The following FAT3 variants were observed in gnomAD, a reference collection of about 807,000 sequenced individuals.
The protein encoded by FAT3 is protocadherin Fat 3.
A neutral mutation model predicts 310.2 loss-of-function variants in FAT3; 95 were observed. That is an observed-to-expected ratio of 0.31 (90% CI 0.26 to 0.36). The LOEUF (loss-of-function observed/expected upper bound fraction) is 0.36. FAT3 is among the 10% of genes least tolerant of loss of function. The pLI is 1.00. For missense variants in FAT3, 5,408 were observed against 5,715.6 expected (o/e 0.95, Z 1.74); for synonymous variants, 2,314 against 2,192.9 (o/e 1.06, Z -1.54).
chr11:92,714,131 GT>G (rs1180386187), intron 4 of FAT3, among the ~76,000 whole-genome samples: 5 of 152,042 alleles, frequency 3.3e-5, no homozygotes. Context: ...TTTATAGACT[GT>G]TTGTATTATC....
intron 2 of FAT3, among the ~76,000 whole-genome samples, chr11:92,358,857 C>G (rs569730794): frequency 2.6e-4 from 40 of 152,284 alleles, no homozygotes; most frequent in African/African-American, 9.6e-4. Flanking sequence ...CTGTTTAGCC[C>G]TGTAGCCATT....
rs183384083 is a variant in FAT3 at position 92,420,615 on chromosome 11, T to A, written c.3292+65211T>A. On this transcript the variant is annotated intron_variant, in intron 2 of 27. Transcript: ENST00000525166. ...GGGGGGTTAAGAGTAGAGAGAACTA[T>A]CCATCATAACTAAATCTTTACTAAT... Among the ~76,000 whole-genome samples the A allele has an allele frequency of 9.9e-5, 15 of 151,710 alleles. 1 individual carries two copies. The East Asian group carries it at 2.9e-3, about 30-fold the overall frequency.
intron 3 of FAT3, among the ~76,000 whole-genome samples, chr11:92,593,074 G>A (rs1376848569): frequency 1.3e-5 from 2 of 152,036 alleles, no homozygotes; most frequent in Non-Finnish European, 2.9e-5. Context: ...TCTTTTTGTA[G>A]CTAGCTTATT....
Position 92,654,995 on chromosome 11 carries a change from G to C in FAT3, c.3608-42389G>C, listed in dbSNP as rs1942528255. ...AAGTTCCTACCTCAAGGCATTTGTA[G>C]CCCCATGGGCCTATAATGACCTCTT... On this transcript the variant is annotated intron_variant, in intron 3 of 27. Transcript: ENST00000525166. Among the ~76,000 whole-genome samples, 5 of 152,018 alleles carry C rather than the reference G, an allele frequency of 3.3e-5. No homozygotes were observed. In the South Asian group the frequency reaches 1.0e-3, roughly 32 times the overall value.
chr11:92,441,231 T>C (rs543844924), intron 2 of FAT3, among the ~76,000 whole-genome samples: 121 of 152,358 alleles, frequency 7.9e-4, no homozygotes, highest in African/African-American at 2.8e-3. Context: ...CTCCACCTCA[T>C]CTTAGACTCT....
chr11:92,463,544 T>A (rs542060965), intron 2 of FAT3, among the ~76,000 whole-genome samples: 84 of 152,328 alleles, frequency 5.5e-4, no homozygotes, highest in African/African-American at 2.0e-3. Context: ...TAAAGCACTA[T>A]TTAGCATAGT....
intron 1 of FAT3, among the ~76,000 whole-genome samples, chr11:92,291,288 A>T (rs1280138980): frequency 6.6e-6 from 1 of 152,076 alleles, no homozygotes; most frequent in Non-Finnish European, 1.5e-5. Context: ...GATGCTTTAA[A>T]CATGTTAATG....
At chr11:92,789,100 C>T (rs2136153016) in intron 7 of FAT3, among the ~76,000 whole-genome samples, 1 of 152,208 alleles carries the variant, frequency 6.6e-6, no homozygotes, top group East Asian at 1.9e-4. Flanking sequence ...TATTAAGGAA[C>T]TACTCTTTTC....
chr11:92,822,237 A>G (rs1947985995), intron 13 of FAT3, among the ~76,000 whole-genome samples: 1 of 152,044 alleles, frequency 6.6e-6, no homozygotes. Flanking sequence ...ATTCTGACCC[A>G]TATCAGTTGA....
chr11:92,248,824 G>A (rs1482949027), intron 1 of FAT3, among the ~76,000 whole-genome samples: 1 of 151,944 alleles, frequency 6.6e-6, no homozygotes, highest in African/African-American at 2.4e-5. Context: ...ATTCCCAAGG[G>A]GCAGAATAAA....
chr11:92,520,448 G>T lies in FAT3; in HGVS notation c.3293-4186G>T, dbSNP rs149981096. Among the ~76,000 whole-genome samples, 253 of 152,090 alleles carry T rather than the reference G, an allele frequency of 1.7e-3. 1 individual carries two copies. Among genetic ancestry groups the T allele is most frequent in the African/African-American group, 5.9e-3 (243 of 41,500 alleles). On this transcript the variant is annotated intron_variant, in intron 2 of 27. Coordinates refer to ENST00000525166, the MANE Select transcript of FAT3 (RefSeq NM_001367949.2). ...TCATGAAAATCAAAACTTACCAATT[G>T]TTTGTTTTAGACATGGACAGGTTAT...
At chr11:92,591,876 C>T (rs910026218) in intron 3 of FAT3, among the ~76,000 whole-genome samples, 8 of 151,976 alleles carry the variant, frequency 5.3e-5, no homozygotes, top group African/African-American at 1.7e-4. Flanking sequence ...CTGAAAGGGC[C>T]GACTACCTAG....
chr11:92,431,985 C>T (rs1289646348), intron 2 of FAT3, among the ~76,000 whole-genome samples: 1 of 152,112 alleles, frequency 6.6e-6, no homozygotes, highest in African/African-American at 2.4e-5. Context: ...AATGCGGGCT[C>T]TTTTTTGGTT....
chr11:92,506,359 G>A (rs915308233), intron 2 of FAT3, among the ~76,000 whole-genome samples: 3 of 151,996 alleles, frequency 2.0e-5, no homozygotes, highest in African/African-American at 7.2e-5. Context: ...CTTATTGTCT[G>A]ACCTAAATTG....
intron 3 of FAT3, among the ~76,000 whole-genome samples, chr11:92,694,649 C>T (rs1207658946): frequency 1.3e-5 from 2 of 152,150 alleles, no homozygotes; most frequent in Non-Finnish European, 2.9e-5. Context: ...GCCATGTGAC[C>T]CTGGGCAAGG....
chr11:92,436,334 G>A (rs1053015815), intron 2 of FAT3, among the ~76,000 whole-genome samples: 4 of 151,928 alleles, frequency 2.6e-5, no homozygotes, highest in Non-Finnish European at 4.4e-5. Context: ...TAGGGACAGG[G>A]TTTTGCTATG....
chr11:92,468,581 A>T (rs1416434216), intron 2 of FAT3, among the ~76,000 whole-genome samples: 1 of 152,208 alleles, frequency 6.6e-6, no homozygotes, highest in East Asian at 1.9e-4. Flanking sequence ...CTATTAATAA[A>T]GACATACCCA....
rs75822835 is a variant in FAT3, at chr11:92,231,038, T to C, written c.-18+5864T>C. On this transcript the variant is annotated intron_variant, in intron 1 of 27. Coordinates refer to ENST00000525166, the MANE Select transcript of FAT3 (RefSeq NM_001367949.2). ...GGGCAGCCCAAATGGGCTGTCGGAA[T>C]GTTAGTTAATATTTTGAGAAGACTT... Among the ~76,000 whole-genome samples, 292 of 152,338 alleles carry C rather than the reference T, an allele frequency of 1.9e-3. 12 individuals carry two copies. In the East Asian group the frequency reaches 0.053, roughly 28 times the overall value.
At chr11:92,635,088 T>C (rs1249242861) in intron 3 of FAT3, among the ~76,000 whole-genome samples, 19 of 152,218 alleles carry the variant, frequency 1.2e-4, no homozygotes, top group Admixed American at 1.2e-3. Context: ...GCCTATTGTT[T>C]AGACTATCCA....
Sources: allele counts gnomAD v4.1 joint callset (sites outside exome capture counted in the v4.1 genomes callset), GRCh38; gene constraint gnomAD v4.1.1; transcripts MANE v1.5; gene names NCBI Gene and HGNC (gene_info 2026-07-23, HGNC 2026-07-21).